Variants in LDLRAD4 observed in about 807,000 individuals in gnomAD.
LDLRAD4 encodes low density lipoprotein receptor class A domain containing 4.
In LDLRAD4, 5 loss-of-function variants were observed where a neutral mutation model predicts 17.0. The observed-to-expected ratio is 0.29, with a 90% confidence interval of 0.15 to 0.62. LDLRAD4 has a LOEUF of 0.62. LDLRAD4 is among the 20% of genes least tolerant of loss of function. The pLI, the probability that LDLRAD4 is intolerant of heterozygous loss-of-function variation, is 0.84. For missense variants in LDLRAD4, 340 were observed against 424.7 expected, an observed-to-expected ratio of 0.80 and a Z score of 1.75; for synonymous variants, 168 against 171.8, an observed-to-expected ratio of 0.98 and a Z score of 0.17.
chr18:13,433,973 G>C (rs1347319917), intron 2 of LDLRAD4, among the ~76,000 whole-genome samples: 1 of 152,168 alleles, frequency 6.6e-6, no homozygotes, highest in East Asian at 1.9e-4. Context: ...TCCACTACAG[G>C]TAATTTGTTC....
chr18:13,490,585 T>C (rs1479074199), intron 3 of LDLRAD4: 1 of 150,918 alleles, frequency 6.6e-6, no homozygotes, highest in Non-Finnish European at 1.5e-5. Flanking sequence ...CCAAAAAATA[T>C]ACGTGGGTGT....
chr18:13,406,023 A>G (rs1380953425), intron 2 of LDLRAD4, among the ~76,000 whole-genome samples: 1 of 152,228 alleles, frequency 6.6e-6, no homozygotes, highest in Non-Finnish European at 1.5e-5. Flanking sequence ...GAAAACAGCG[A>G]TATCACATTT....
exon 6 of LDLRAD4, chr18:13,652,567 C>T (rs577195115): frequency 6.5e-6 from 1 of 152,716 alleles, no homozygotes; most frequent in African/African-American, 2.4e-5. Context: ...TTCCACCTGT[C>T]ACGTATCTGC....
At chr18:13,587,318 A>C (rs561986279) in intron 3 of LDLRAD4, among the ~76,000 whole-genome samples, 1 of 152,216 alleles carries the variant, frequency 6.6e-6, no homozygotes, top group African/African-American at 2.4e-5. Flanking sequence ...CATGTTAGAC[A>C]GTCTCACTCT....
At chr18:13,462,727 A>G (rs3859299) in intron 3 of LDLRAD4, among the ~76,000 whole-genome samples, 27,743 of 152,144 alleles carry the variant, frequency 0.18, 2,956 homozygotes, top group East Asian at 0.39. Flanking sequence ...GGGCTCAGTC[A>G]TGGTGGCTGT....
chr18:13,313,750 G>A (rs1414134867), intron 1 of LDLRAD4, among the ~76,000 whole-genome samples: 4 of 152,152 alleles, frequency 2.6e-5, no homozygotes, highest in Non-Finnish European at 4.4e-5. Flanking sequence ...GACAGTGACG[G>A]TTTCTGCCTT....
intron 1 of LDLRAD4, among the ~76,000 whole-genome samples, chr18:13,386,815 G>A (rs1393971321): frequency 6.6e-6 from 1 of 152,138 alleles, no homozygotes; most frequent in Non-Finnish European, 1.5e-5. Context: ...ACTTTGGGAG[G>A]CCAAGCCCTT....
intron 3 of LDLRAD4, among the ~76,000 whole-genome samples, chr18:13,540,936 G>A (rs143448363): frequency 8.5e-5 from 13 of 152,288 alleles, no homozygotes; most frequent in African/African-American, 2.9e-4. Flanking sequence ...TGTGGGCACT[G>A]AGCAGAGCCA....
intron 1 of LDLRAD4, among the ~76,000 whole-genome samples, chr18:13,365,053 C>G (rs1311567925): frequency 6.6e-6 from 1 of 152,176 alleles, no homozygotes; most frequent in Non-Finnish European, 1.5e-5. Flanking sequence ...GCTGCTCAGG[C>G]CGTGATGCAG....
intron 1 of LDLRAD4, among the ~76,000 whole-genome samples, chr18:13,256,727 T>G (rs760822023): frequency 2.6e-5 from 4 of 152,154 alleles, no homozygotes; most frequent in Non-Finnish European, 5.9e-5. Flanking sequence ...AGAGCCCTGG[T>G]AAGCTGGTGT....
At chr18:13,586,501 A>G (rs1265348601) in intron 3 of LDLRAD4, among the ~76,000 whole-genome samples, 3 of 151,778 alleles carry the variant, frequency 2.0e-5, no homozygotes, top group Non-Finnish European at 4.4e-5. Flanking sequence ...AAGTGAAGTC[A>G]GATTATGACA....
chr18:13,368,153 C>T (rs2084205136), intron 1 of LDLRAD4, among the ~76,000 whole-genome samples: 1 of 152,064 alleles, frequency 6.6e-6, no homozygotes, highest in African/African-American at 2.4e-5. Flanking sequence ...AGGTGTGGAG[C>T]CCAGGGGATG....
At chr18:13,256,764 C>T (rs571736240) in intron 1 of LDLRAD4, among the ~76,000 whole-genome samples, 101 of 152,326 alleles carry the variant, frequency 6.6e-4, no homozygotes, top group African/African-American at 2.3e-3. Context: ...GAGAGAGCCT[C>T]TCTTTCCTAA....
At chr18:13,401,576 C>T (rs1268546166) in intron 2 of LDLRAD4, among the ~76,000 whole-genome samples, 2 of 152,120 alleles carry the variant, frequency 1.3e-5, no homozygotes, top group African/African-American at 4.8e-5. Flanking sequence ...AGGAAGTCAC[C>T]CACCCCGTAG....
chr18:13,263,460 G>A (rs1198884617), intron 1 of LDLRAD4, among the ~76,000 whole-genome samples: 1 of 152,188 alleles, frequency 6.6e-6, no homozygotes, highest in African/African-American at 2.4e-5. Context: ...GTGAGGGCAC[G>A]GGATTGCAGC....
At chr18:13,490,544 A>T (rs1443006321) in intron 3 of LDLRAD4, 1 of 152,226 alleles carries the variant, frequency 6.6e-6, no homozygotes, top group East Asian at 1.9e-4. Context: ...TCCTTTTGTG[A>T]GGTTTTTATT....
chr18:13,649,890 A>G, exon 6 of LDLRAD4: 1 of 396,674 alleles, frequency 2.5e-6, no homozygotes, highest in Non-Finnish European at 4.4e-6. Flanking sequence ...ACACTGACCA[A>G]GAATGCCGCG....
intron 1 of LDLRAD4, among the ~76,000 whole-genome samples, chr18:13,293,019 G>A (rs545681219): frequency 1.3e-5 from 2 of 152,330 alleles, no homozygotes; most frequent in African/African-American, 4.8e-5. Context: ...CGAGCACCAC[G>A]TCCCAGGAAT....
chr18:13,334,139 A>T (rs1451455423), intron 1 of LDLRAD4, among the ~76,000 whole-genome samples: 2 of 152,154 alleles, frequency 1.3e-5, no homozygotes, highest in African/African-American at 4.8e-5. Flanking sequence ...ATTTATGTTT[A>T]AGTATTTTCT....
Sources: allele counts gnomAD v4.1 joint callset (sites outside exome capture counted in the v4.1 genomes callset), GRCh38; gene constraint gnomAD v4.1.1; transcripts MANE v1.5; gene names NCBI Gene and HGNC (gene_info 2026-07-23, HGNC 2026-07-21).